Variants in SNX3 observed in about 807,000 individuals in gnomAD.
The protein encoded by SNX3 is sorting nexin 3, also known as sorting nexin-3.
SNX3 carries 5 observed loss-of-function variants against 17.7 expected under a neutral mutation model. That is an observed-to-expected ratio of 0.28 (90% CI 0.15 to 0.59). SNX3 has a LOEUF of 0.59. Among genes scored for constraint, SNX3 ranks in the 20% least tolerant of loss-of-function variants. The pLI, the probability that SNX3 is intolerant of heterozygous loss-of-function variation, is 0.88. For missense variants in SNX3, 132 were observed against 206.8 expected, an observed-to-expected ratio of 0.64 and a Z score of 2.22; for synonymous variants, 91 against 76.5, an observed-to-expected ratio of 1.19 and a Z score of -0.99.
chr6:108,241,136 T>C (rs1213728145), intron 1 of SNX3, among the ~76,000 whole-genome samples: 1 of 90,778 alleles, frequency 1.1e-5, no homozygotes, highest in African/African-American at 4.7e-5. Flanking sequence ...AGAGCAAGAC[T>C]CCGTCTCAAA....
Position 108,226,585 on chromosome 6 carries a change from A to C in SNX3, c.163-3540T>G, listed in dbSNP as rs192387604. Among the ~76,000 whole-genome samples, 15 of 152,352 alleles carry C rather than the reference A, an allele frequency of 9.8e-5. No individual in the cohort carries two copies. The East Asian group carries it at 2.9e-3, about 29-fold the overall frequency. On this transcript the variant is annotated intron_variant, in intron 1 of 3. Coordinates refer to ENST00000230085, the MANE Select transcript of SNX3 (RefSeq NM_003795.6). ...TTTTACAATTGGAAGAAAAAAGTTA[A>C]GTGCCACCTGAAGGAAAGACTGGCT...
chr6:108,246,313 C>CTT lies in SNX3; in HGVS notation c.162+14445_162+14446dup, dbSNP rs71015538. Among the ~76,000 whole-genome samples, 139 of 47,992 alleles carry CTT rather than the reference C, an allele frequency of 2.9e-3. 22 individuals carry two copies. Among genetic ancestry groups the CTT allele is most frequent in the Middle Eastern group, 0.014 (1 of 74 alleles). 31.5% of individuals were successfully genotyped at this position (47,992 alleles called of 152,430 possible). On this transcript the variant is annotated intron_variant, in intron 1 of 3. Coordinates refer to ENST00000230085, the MANE Select transcript of SNX3 (RefSeq NM_003795.6). ...AATTCTTAAAAGAGCTTTGAGCATT[C>CTT]TTTTTTTTTTTTTTTTTTTTTTTTT...
At chr6:108,236,585 G>GTT (rs1249838090) in intron 1 of SNX3, among the ~76,000 whole-genome samples, 1 of 148,218 alleles carries the variant, frequency 6.7e-6, no homozygotes, top group Non-Finnish European at 1.5e-5. Flanking sequence ...GGGTTTCACC[G>GTT]TTTTTTTTTA....
intron 1 of SNX3, among the ~76,000 whole-genome samples, chr6:108,239,099 C>T (rs576138599): frequency 9.9e-5 from 15 of 152,132 alleles, no homozygotes; most frequent in East Asian, 1.9e-4. Context: ...GACGGGGTTT[C>T]GCCACATTGG....
At chr6:108,250,474 C>T (rs898577012) in intron 1 of SNX3, among the ~76,000 whole-genome samples, 3 of 152,186 alleles carry the variant, frequency 2.0e-5, no homozygotes, top group African/African-American at 4.8e-5. Context: ...TCTATTTAAA[C>T]TCCTCAGTGT....
intron 1 of SNX3, among the ~76,000 whole-genome samples, chr6:108,259,598 A>G (rs1484453038): frequency 1.3e-5 from 2 of 152,246 alleles, no homozygotes; most frequent in Non-Finnish European, 2.9e-5. Flanking sequence ...TATTCGTTTC[A>G]TATCTTAAAG....
At chr6:108,223,820 T>G (rs1218790181) in intron 1 of SNX3, among the ~76,000 whole-genome samples, 1 of 152,138 alleles carries the variant, frequency 6.6e-6, no homozygotes, top group East Asian at 1.9e-4. Context: ...TTAAAAGTAT[T>G]TACACAAGAA....
intron 1 of SNX3, among the ~76,000 whole-genome samples, chr6:108,226,405 A>C (rs1774975909): frequency 6.6e-6 from 1 of 152,170 alleles, no homozygotes; most frequent in Non-Finnish European, 1.5e-5. Context: ...AATTATCACA[A>C]AGTTTGTAGG....
chr6:108,217,186 G>A (rs1434261035), intron 2 of SNX3, among the ~76,000 whole-genome samples: 2 of 151,616 alleles, frequency 1.3e-5, no homozygotes, highest in Non-Finnish European at 2.9e-5. Flanking sequence ...GTCAGTTAAA[G>A]AAAGAAGGAA....
chr6:108,237,789 C>CAA (rs552761335), intron 1 of SNX3, among the ~76,000 whole-genome samples: 1 of 138,196 alleles, frequency 7.2e-6, no homozygotes, highest in Admixed American at 7.3e-5. Context: ...GACTCTATTT[C>CAA]AAAAAAAAAA....
intron 1 of SNX3, among the ~76,000 whole-genome samples, chr6:108,253,510 G>C (rs1426380520): frequency 2.0e-5 from 3 of 150,228 alleles, no homozygotes; most frequent in East Asian, 3.9e-4. Flanking sequence ...TGTAGTCTGT[G>C]TCTCCCCTTC....
intron 1 of SNX3, among the ~76,000 whole-genome samples, chr6:108,255,032 A>C (rs1188854640): frequency 1.3e-5 from 2 of 152,244 alleles, no homozygotes; most frequent in Non-Finnish European, 2.9e-5. Context: ...AATTTTATAG[A>C]TAGAGCACAG....
chr6:108,251,018 C>A (rs1775840749), intron 1 of SNX3, among the ~76,000 whole-genome samples: 3 of 151,968 alleles, frequency 2.0e-5, no homozygotes, highest in African/African-American at 2.4e-5. Context: ...TCAATGTCAG[C>A]AACTACAATG....
intron 1 of SNX3, among the ~76,000 whole-genome samples, chr6:108,245,906 C>T (rs1775674244): frequency 6.6e-6 from 1 of 152,186 alleles, no homozygotes; most frequent in East Asian, 1.9e-4. Context: ...CCTGTTCACT[C>T]TGATGATGGT....
chr6:108,261,019 C>T lies in SNX3; in HGVS notation c.-98G>A. On this transcript the variant is annotated 5_prime_UTR_variant, in exon 1 of 4. Transcript: ENST00000230085. ...CTGCCCGCCGTGGGGACACGGGGCT[C>T]GCGCGCAGCGGTCGCGAAGAGAACG... 3 of 1,185,266 alleles carry T rather than the reference C, an allele frequency of 2.5e-6. No individual in the cohort carries two copies. Among genetic ancestry groups the T allele is most frequent in the South Asian group, 1.9e-5 (1 of 52,466 alleles). 73.4% of individuals were successfully genotyped at this position (1,185,266 alleles called of 1,614,324 possible).
chr6:108,213,569 T>TTGAACCTGGGAGGTGGAGGTTTCAC (rs1774472237), intron 3 of SNX3, among the ~76,000 whole-genome samples: 1 of 151,734 alleles, frequency 6.6e-6, no homozygotes, highest in African/African-American at 2.4e-5. Context: ...TGAGAATCAC[T>TTGAACCTGGGAGGTGGAGGTTTCAC]TGAACCTGGG....
intron 1 of SNX3, among the ~76,000 whole-genome samples, chr6:108,234,947 C>A (rs1775278802): frequency 1.3e-5 from 2 of 152,076 alleles, no homozygotes; most frequent in Admixed American, 6.6e-5. Flanking sequence ...TTAGAATAAA[C>A]CCTAAAGGTG....
chr6:108,255,155 T>G (rs899200909), intron 1 of SNX3, among the ~76,000 whole-genome samples: 5 of 152,148 alleles, frequency 3.3e-5, no homozygotes, highest in African/African-American at 1.2e-4. Flanking sequence ...TCCCCCACTC[T>G]CCATTCTGGG....
intron 1 of SNX3, among the ~76,000 whole-genome samples, chr6:108,238,116 A>C (rs907505743): frequency 4.6e-5 from 7 of 151,400 alleles, no homozygotes; most frequent in East Asian, 1.9e-4. Context: ...AAAAAAAAAA[A>C]AAAACAAACA....
Sources: allele counts gnomAD v4.1 joint callset (sites outside exome capture counted in the v4.1 genomes callset), GRCh38; gene constraint gnomAD v4.1.1; transcripts MANE v1.5; gene names NCBI Gene and HGNC (gene_info 2026-07-23, HGNC 2026-07-21).